TNNI3K: variants seen among roughly 807,000 people sequenced by gnomAD.
TNNI3K encodes the protein serine/threonine-protein kinase TNNI3K.
TNNI3K carries 140 observed loss-of-function variants against 114.5 expected under a neutral mutation model. The ratio of observed to expected loss-of-function variants is 1.22; its 90% CI spans 1.07 to 1.41. TNNI3K has a LOEUF of 1.41. TNNI3K is among the 40% of genes most tolerant of loss of function. TNNI3K has a pLI of 0.00. For missense variants in TNNI3K, 1,125 were observed against 1,007.6 expected (o/e 1.12, Z -1.58); for synonymous variants, 347 against 347.5 (o/e 1.00, Z 0.02).
chr1:74,540,629 C>T (rs1646715852), intron 24 of TNNI3K, among the ~76,000 whole-genome samples: 1 of 150,736 alleles, frequency 6.6e-6, no homozygotes, highest in African/African-American at 2.4e-5. Flanking sequence ...AAACTCCTTC[C>T]TCTCATGATA....
chr1:74,253,218 A>C (rs913053147), intron 4 of TNNI3K, among the ~76,000 whole-genome samples: 3 of 152,206 alleles, frequency 2.0e-5, no homozygotes, highest in African/African-American at 7.2e-5. Flanking sequence ...ACAATCCCTC[A>C]GCTAGACACA....
chr1:74,328,513 T>G (rs1012840742), intron 5 of TNNI3K, among the ~76,000 whole-genome samples: 1 of 152,152 alleles, frequency 6.6e-6, no homozygotes, highest in Non-Finnish European at 1.5e-5. Flanking sequence ...ACTCATTAGC[T>G]AAAATCAGAT....
At chr1:74,379,048 T>C (rs978217493) in intron 17 of TNNI3K, among the ~76,000 whole-genome samples, 4 of 152,050 alleles carry the variant, frequency 2.6e-5, no homozygotes, top group African/African-American at 7.2e-5. Flanking sequence ...GAAAACTACT[T>C]AATAAAGCAT....
intron 23 of TNNI3K, among the ~76,000 whole-genome samples, chr1:74,514,309 A>T (rs929926575): frequency 1.3e-5 from 2 of 152,206 alleles, no homozygotes; most frequent in African/African-American, 4.8e-5. Context: ...GAGGCTTACA[A>T]GCTGACAAGC....
chr1:74,416,664 AT>A (rs1003881712), intron 17 of TNNI3K: 79 of 673,420 alleles, frequency 1.2e-4, no homozygotes, highest in African/African-American at 4.5e-4. Context: ...ATTTTAATTG[AT>A]TTTTTTTCTT....
rs376722301 is a variant in TNNI3K at position 74,394,778 on chromosome 1, C to T, written c.1772+24386C>T. On this transcript the variant is annotated intron_variant, in intron 17 of 24. Transcript: ENST00000326637. ...AAAACACTTAGGCCGGGCGCAGTGG[C>T]TCACGCCTGTAATCCCAGCACTTTG... Among the ~76,000 whole-genome samples the T allele has an allele frequency of 5.3e-5, 8 of 152,328 alleles. No homozygotes were observed. The East Asian group carries it at 1.2e-3, about 22-fold the overall frequency.
intron 20 of TNNI3K, among the ~76,000 whole-genome samples, chr1:74,463,122 T>G (rs1306537227): frequency 2.0e-5 from 3 of 152,196 alleles, no homozygotes; most frequent in Non-Finnish European, 4.4e-5. Flanking sequence ...CTTTCAATCT[T>G]TACTTCTTAT....
intron 23 of TNNI3K, among the ~76,000 whole-genome samples, chr1:74,508,664 G>A (rs1370369422): frequency 6.6e-6 from 1 of 152,210 alleles, no homozygotes; most frequent in Non-Finnish European, 1.5e-5. Context: ...AAAACCAACA[G>A]CAAGCTATAG....
At chr1:74,397,465 C>T (rs756111297) in intron 17 of TNNI3K, among the ~76,000 whole-genome samples, 9 of 152,236 alleles carry the variant, frequency 5.9e-5, no homozygotes, top group South Asian at 2.1e-4. Context: ...GAGCACCCTA[C>T]GTTAGGTCAG....
At chr1:74,471,760 TC>T in intron 21 of TNNI3K, 1 of 407,252 alleles carries the variant, frequency 2.5e-6, no homozygotes, top group Admixed American at 4.3e-5. Context: ...TCCTGATAAA[TC>T]TATGTTGTCC....
intron 19 of TNNI3K, among the ~76,000 whole-genome samples, chr1:74,437,480 A>C (rs45482502): frequency 6.6e-6 from 1 of 151,944 alleles, no homozygotes; most frequent in Non-Finnish European, 1.5e-5. Context: ...GATGAGGTTG[A>C]CATTTAGATA....
intron 5 of TNNI3K, among the ~76,000 whole-genome samples, chr1:74,309,977 A>G (rs1037648663): frequency 1.1e-4 from 17 of 152,168 alleles, no homozygotes; most frequent in Non-Finnish European, 2.4e-4. Flanking sequence ...GGCAAGAGAA[A>G]GAAATAAAAG....
chr1:74,439,173 C>T lies in TNNI3K; in HGVS notation c.1879-317C>T, dbSNP rs550200125. The T allele has an allele frequency of 2.4e-5, 5 of 204,274 alleles. No homozygotes were observed. In the South Asian group the frequency reaches 6.4e-4, roughly 26 times the overall value. 12.7% of individuals were successfully genotyped at this position (204,274 alleles called of 1,614,324 possible). On this transcript the variant is annotated intron_variant, in intron 19 of 24. Coordinates refer to ENST00000326637, the MANE Select transcript of TNNI3K (RefSeq NM_015978.3). ...TTATAGATTTAAAAAAATAATGCTG[C>T]TTCTCATTGTATAAGAGGCAGACTT...
At position 74,413,282 on chromosome 1, in the gene TNNI3K, G is replaced by T. The variant is rs538814120; in HGVS notation, c.1773-22798G>T. On this transcript the variant is annotated intron_variant, in intron 17 of 24. Transcript: ENST00000326637. ...GTCTGAAACAAATGAGAAATTCCTG[G>T]ATATTAGTATAGAACAACATTAAAT... Among the ~76,000 whole-genome samples, 6 of 152,118 alleles carry T rather than the reference G, an allele frequency of 3.9e-5. No individual in the cohort carries two copies. In the South Asian group the frequency reaches 8.3e-4, roughly 21 times the overall value.
chr1:74,353,211 T>C, intron 9 of TNNI3K, 55 bp from the exon 10 acceptor site: 1 of 1,583,802 alleles, frequency 6.3e-7, no homozygotes, highest in South Asian at 1.2e-5. Context: ...GAGGGCACAA[T>C]TTAGTTCATA....
chr1:74,435,542 G>C (rs1408862008), intron 17 of TNNI3K, among the ~76,000 whole-genome samples: 5 of 151,964 alleles, frequency 3.3e-5, no homozygotes, highest in Admixed American at 1.3e-4. Flanking sequence ...CTTAAAAAGT[G>C]GTTTAGTTGG....
At chr1:74,253,338 C>T (rs1178387757) in intron 4 of TNNI3K, among the ~76,000 whole-genome samples, 1 of 152,198 alleles carries the variant, frequency 6.6e-6, no homozygotes, top group Non-Finnish European at 1.5e-5. Flanking sequence ...CATGTGCCTG[C>T]ACTCCTCAGC....
chr1:74,321,384 C>T (rs1659604338), intron 5 of TNNI3K, among the ~76,000 whole-genome samples: 1 of 152,070 alleles, frequency 6.6e-6, no homozygotes, highest in Non-Finnish European at 1.5e-5. Flanking sequence ...GGCTCCCTTC[C>T]TCCCCAGTTT....
At chr1:74,336,259 T>C (rs1412472936) in intron 7 of TNNI3K, 110 bp downstream of exon 7, 14 of 1,306,686 alleles carry the variant, frequency 1.1e-5, no homozygotes, top group African/African-American at 1.6e-5. Flanking sequence ...CCTGTAGTCA[T>C]GTACTTATTT....
Sources: gnomAD v4.1 joint callset for allele counts (sites outside exome capture counted in the v4.1 genomes callset) on GRCh38, gnomAD v4.1.1 for gene constraint, MANE v1.5 for transcripts, NCBI Gene and HGNC (gene_info 2026-07-23, HGNC 2026-07-21) for gene names.